Variants in EPC2 observed in about 807,000 individuals in gnomAD.
EPC2 encodes enhancer of polycomb 2, also known as enhancer of polycomb homolog 2.
In EPC2, 14 loss-of-function variants were observed where a neutral mutation model predicts 92.1. The observed-to-expected ratio is 0.15, with a 90% confidence interval of 0.10 to 0.24. The LOEUF (loss-of-function observed/expected upper bound fraction) is 0.24, where lower values mean the gene tolerates loss of function less well. Ranked by LOEUF, EPC2 falls within the 10% of genes least tolerant of loss-of-function variation. EPC2 has a pLI of 1.00. For synonymous variants in EPC2, 340 were observed against 334.7 expected (o/e 1.02, Z -0.17); for missense variants, 755 against 971.5 (o/e 0.78, Z 2.96).
intron 1 of EPC2, among the ~76,000 whole-genome samples, chr2:148,670,825 C>T (rs1681140133): frequency 6.6e-6 from 1 of 152,160 alleles, no homozygotes; most frequent in South Asian, 2.1e-4. Context: ...ACCTCAGCCT[C>T]CCAAGTAGCT....
chr2:148,677,521 T>A (rs555200115), intron 1 of EPC2, among the ~76,000 whole-genome samples: 102 of 152,296 alleles, frequency 6.7e-4, no homozygotes, highest in African/African-American at 2.3e-3. Context: ...TAAAAAATTT[T>A]AAAAATTATC....
chr2:148,660,731 T>G (rs1215203012), intron 1 of EPC2, among the ~76,000 whole-genome samples: 1 of 152,116 alleles, frequency 6.6e-6, no homozygotes, highest in East Asian at 1.9e-4. Flanking sequence ...TTCATTCAAG[T>G]GGATATCCAG....
At chr2:148,676,708 G>C (rs1681270449) in intron 1 of EPC2, among the ~76,000 whole-genome samples, 1 of 151,238 alleles carries the variant, frequency 6.6e-6, no homozygotes, top group Admixed American at 6.6e-5. Context: ...TGCTGCCTAA[G>C]CAAGAGTTCA....
chr2:148,665,441 G>A (rs1681038051), intron 1 of EPC2, among the ~76,000 whole-genome samples: 1 of 152,096 alleles, frequency 6.6e-6, no homozygotes, highest in African/African-American at 2.4e-5. Flanking sequence ...ACCTTTCTAA[G>A]TTGATGTTGA....
At chr2:148,728,686 T>C (rs976157098) in intron 2 of EPC2, among the ~76,000 whole-genome samples, 2 of 135,146 alleles carry the variant, frequency 1.5e-5, no homozygotes, top group African/African-American at 5.1e-5. Context: ...GCCATGATCG[T>C]GCTACTGCAC....
intron 2 of EPC2, chr2:148,692,151 T>A (rs913440623): frequency 4.4e-6 from 1 of 225,990 alleles, no homozygotes; most frequent in East Asian, 1.2e-4. Context: ...ATATTTAACA[T>A]TTCCTTGGAT....
intron 2 of EPC2, among the ~76,000 whole-genome samples, chr2:148,713,865 G>A (rs1011888530): frequency 2.0e-5 from 3 of 152,178 alleles, no homozygotes; most frequent in Non-Finnish European, 4.4e-5. Context: ...CACAATGAAT[G>A]AAATCATCTA....
intron 3 of EPC2, among the ~76,000 whole-genome samples, chr2:148,753,226 A>G (rs1281054528): frequency 2.0e-5 from 3 of 152,182 alleles, no homozygotes; most frequent in South Asian, 2.1e-4. Flanking sequence ...TCCCTGAAAT[A>G]CCAGCATTAG....
intron 10 of EPC2, among the ~76,000 whole-genome samples, chr2:148,780,615 CAG>C (rs1259926745): frequency 1.3e-5 from 2 of 152,114 alleles, no homozygotes; most frequent in Non-Finnish European, 2.9e-5. Context: ...GACTTTGTAA[CAG>C]AGATCCTTTT....
At chr2:148,662,295 G>C (rs1437298382) in intron 1 of EPC2, among the ~76,000 whole-genome samples, 13 of 152,140 alleles carry the variant, frequency 8.5e-5, no homozygotes, top group Non-Finnish European at 1.6e-4. Context: ...AATACCATTT[G>C]ACCCAGCCAT....
At chr2:148,765,214 A>G in intron 7 of EPC2, 68 bp downstream of exon 7, 1 of 1,158,938 alleles carries the variant, frequency 8.6e-7, no homozygotes, top group Non-Finnish European at 1.2e-6. Context: ...TTTTAAAACA[A>G]TTGCTATCTT....
chr2:148,667,475 T>C (rs759995959), intron 1 of EPC2, among the ~76,000 whole-genome samples: 23 of 152,258 alleles, frequency 1.5e-4, no homozygotes, highest in Non-Finnish European at 3.1e-4. Context: ...ATATTGATTT[T>C]ATATCCTTCA....
intron 11 of EPC2, among the ~76,000 whole-genome samples, chr2:148,782,227 A>G (rs1054751641): frequency 5.3e-5 from 8 of 152,138 alleles, no homozygotes; most frequent in African/African-American, 1.9e-4. Flanking sequence ...GCCATTGTGA[A>G]TCACATTTCC....
intron 4 of EPC2, among the ~76,000 whole-genome samples, chr2:148,761,517 T>A (rs1312282132): frequency 6.6e-6 from 1 of 152,210 alleles, no homozygotes; most frequent in Admixed American, 6.5e-5. Flanking sequence ...ATTTTTTGTT[T>A]GTTTACATTG....
At chr2:148,684,624 C>A (rs1029296092) in intron 1 of EPC2, among the ~76,000 whole-genome samples, 5 of 152,322 alleles carry the variant, frequency 3.3e-5, no homozygotes, top group Admixed American at 3.3e-4. Flanking sequence ...TGAGCATCTA[C>A]CACATTTGAC....
chr2:148,694,605 C>T (rs1420513869), intron 2 of EPC2, among the ~76,000 whole-genome samples: 7 of 152,216 alleles, frequency 4.6e-5, no homozygotes, highest in Non-Finnish European at 1.0e-4. Flanking sequence ...TTATTAAATT[C>T]AGTACCCAAA....
chr2:148,731,192 A>G (rs1682621407), intron 2 of EPC2, among the ~76,000 whole-genome samples: 1 of 152,198 alleles, frequency 6.6e-6, no homozygotes, highest in South Asian at 2.1e-4. Flanking sequence ...TTGGAGTGGT[A>G]AAAATAGTTT....
At chr2:148,694,835 G>C (rs1007101285) in intron 2 of EPC2, among the ~76,000 whole-genome samples, 1 of 152,162 alleles carries the variant, frequency 6.6e-6, no homozygotes, top group Non-Finnish European at 1.5e-5. Flanking sequence ...TGCAATATCT[G>C]CTCACCACAA....
At chr2:148,718,202 C>T (rs1397938968) in intron 2 of EPC2, among the ~76,000 whole-genome samples, 1 of 152,104 alleles carries the variant, frequency 6.6e-6, no homozygotes, top group East Asian at 1.9e-4. Context: ...TCCAGCTTGC[C>T]ATTCTGTGTC....
Sources: gnomAD v4.1 joint callset for allele counts (sites outside exome capture counted in the v4.1 genomes callset) on GRCh38, gnomAD v4.1.1 for gene constraint, MANE v1.5 for transcripts, NCBI Gene and HGNC (gene_info 2026-07-23, HGNC 2026-07-21) for gene names.